ZNF146: variants seen among roughly 807,000 people sequenced by gnomAD.
ZNF146 encodes zinc finger protein OZF.
ZNF146 carries 9 observed loss-of-function variants against 22.2 expected under a neutral mutation model. The ratio of observed to expected loss-of-function variants is 0.41; its 90% CI spans 0.24 to 0.71. ZNF146 has a LOEUF of 0.71. ZNF146 is among the 30% of genes least tolerant of loss of function. The probability of loss-of-function intolerance (pLI) is 0.34; values close to 1 mark genes in which losing one functional copy is unlikely to be tolerated. For missense variants in ZNF146, 194 were observed against 344.8 expected (o/e 0.56, Z 3.46); for synonymous variants, 108 against 119.2 (o/e 0.91, Z 0.61).
intron 3 of ZNF146, among the ~76,000 whole-genome samples, chr19:36,229,555 C>T (rs1977232374): frequency 6.6e-6 from 1 of 152,104 alleles, no homozygotes; most frequent in Non-Finnish European, 1.5e-5. Context: ...CACGTATATC[C>T]TTCTTGAGGT....
rs1392574275 is a variant in ZNF146, at chr19:36,228,744, A to G, written c.-854-4A>G. 1.3e-5 allele frequency: 2 copies of G among 152,222 alleles called. No individual in the cohort carries two copies. The highest frequency in any genetic ancestry group is 6.5e-5 in the Admixed American group (1 of 15,282). The allele number at this position is 152,222 out of a possible 1,614,324, so 9.4% of individuals were successfully genotyped here. ...ATTGTAATACTGTGTCATTTTCCCA[A>G]TAGTTAATATGATCCTCTGTTGAAG... On this transcript the variant is annotated splice_polypyrimidine_tract_variant and splice_region_variant and intron_variant, in intron 2 of 3. Coordinates refer to ENST00000443387, the MANE Select transcript of ZNF146 (RefSeq NM_007145.3).
chr19:36,220,737 A>G (rs556954486), intron 2 of ZNF146, among the ~76,000 whole-genome samples: 1 of 152,332 alleles, frequency 6.6e-6, no homozygotes, highest in East Asian at 1.9e-4. Flanking sequence ...TTATCCTGCA[A>G]TATAAAGAAA....
chr19:36,236,439 A>G lies in ZNF146; in HGVS notation c.-2A>G. On this transcript the variant is annotated 5_prime_UTR_variant, in exon 4 of 4. Transcript: ENST00000443387. ...TGTGAATGTGGGAAAGCTTCCATTC[A>G]GATGTCACACCTCAGCCAGCAGAGA... is the stretch of plus-strand genomic sequence containing the variant. 1 of 1,591,766 alleles carries G rather than the reference A, an allele frequency of 6.3e-7. No homozygotes were observed. The highest frequency in any genetic ancestry group is 8.5e-7 in the Non-Finnish European group (1 of 1,169,804).
chr19:36,234,506 A>C (rs4315447), intron 3 of ZNF146, among the ~76,000 whole-genome samples: 96,537 of 152,046 alleles, frequency 0.63, 30,856 homozygotes, highest in Middle Eastern at 0.71. Context: ...TTTTAAAATT[A>C]CAGAATGTAA....
At chr19:36,225,691 G>T (rs1977034209) in intron 2 of ZNF146, among the ~76,000 whole-genome samples, 1 of 148,294 alleles carries the variant, frequency 6.7e-6, no homozygotes, top group African/African-American at 2.5e-5. Flanking sequence ...ACCCACCTCA[G>T]TGTCTCAAAG....
Position 36,236,707 on chromosome 19 carries a change from G to A in ZNF146, c.267G>A (p.Thr89=), listed in dbSNP as rs761846974. The change falls in exon 4 of 4, where the codon ACG becomes ACA. Residue 89 remains threonine (T), a synonymous_variant. Transcript: ENST00000443387. The stretch of plus-strand genomic sequence containing the variant: ...TTAGCCAGAAGGAAAACCTCCTTAC[G>A]CACCAGAAAATTCACACTGGAGAAA... ...KSFSQKENLL[T]HQKIHTGEKP... 5.6e-6 allele frequency: 9 copies of A among 1,614,148 alleles called. No individual in the cohort carries two copies. Among genetic ancestry groups the A allele is most frequent in the Non-Finnish European group, 6.8e-6 (8 of 1,180,018 alleles).
chr19:36,219,792 TA>T (rs1337263840), intron 2 of ZNF146, among the ~76,000 whole-genome samples: 1 of 152,214 alleles, frequency 6.6e-6, no homozygotes, highest in East Asian at 1.9e-4. Flanking sequence ...TTGTTTTGTG[TA>T]AAAATGTAGT....
chr19:36,228,003 A>G (rs1599976933), intron 2 of ZNF146, among the ~76,000 whole-genome samples: 2 of 152,128 alleles, frequency 1.3e-5, no homozygotes, highest in Admixed American at 1.3e-4. Context: ...TCTACTAAAA[A>G]TACAAAATTA....
chr19:36,224,463 G>A (rs1184880640), intron 2 of ZNF146, among the ~76,000 whole-genome samples: 1 of 152,164 alleles, frequency 6.6e-6, no homozygotes, highest in African/African-American at 2.4e-5. Flanking sequence ...CATTTATTTG[G>A]TCTGTTTCTG....
Position 36,236,377 on chromosome 19 carries a change from C to A in ZNF146, c.-64C>A, listed in dbSNP as rs1334765396. ...GAAATATCTTCAGCCAAAAGTAAATCCTCACTCATCAAGAAATTTTTACTG... is the reference window on the plus strand; with the variant it reads ...GAAATATCTTCAGCCAAAAGTAAATACTCACTCATCAAGAAATTTTTACTG... On this transcript the variant is annotated 5_prime_UTR_variant, in exon 4 of 4. Coordinates refer to ENST00000443387, the MANE Select transcript of ZNF146 (RefSeq NM_007145.3). 3 of 1,525,368 alleles carry A rather than the reference C, an allele frequency of 2.0e-6. No homozygotes were observed. Among genetic ancestry groups the A allele is most frequent in the Middle Eastern group, 1.8e-4 (1 of 5,674 alleles). 94.5% of individuals were successfully genotyped at this position (1,525,368 alleles called of 1,614,324 possible).
chr19:36,222,304 G>A (rs1340398146), intron 2 of ZNF146, among the ~76,000 whole-genome samples: 1 of 152,132 alleles, frequency 6.6e-6, no homozygotes, highest in African/African-American at 2.4e-5. Context: ...TTATTTGGAT[G>A]CACCATGGTT....
chr19:36,224,789 T>C (rs894504123), intron 2 of ZNF146, among the ~76,000 whole-genome samples: 1 of 152,254 alleles, frequency 6.6e-6, no homozygotes, highest in Non-Finnish European at 1.5e-5. Flanking sequence ...TTCCTCTTTA[T>C]GTACGTGATA....
chr19:36,219,351 G>C (rs1976743851), intron 2 of ZNF146, among the ~76,000 whole-genome samples: 1 of 152,006 alleles, frequency 6.6e-6, no homozygotes, highest in African/African-American at 2.4e-5. Context: ...TTTTTGTAGA[G>C]ATGGAGTCTT....
At chr19:36,230,625 C>T (rs998177851) in intron 3 of ZNF146, among the ~76,000 whole-genome samples, 1 of 152,110 alleles carries the variant, frequency 6.6e-6, no homozygotes, top group South Asian at 2.1e-4. Context: ...GTTAAAAGCC[C>T]TAAGTCAGGA....
At chr19:36,224,335 T>C (rs917335001) in intron 2 of ZNF146, among the ~76,000 whole-genome samples, 1 of 152,156 alleles carries the variant, frequency 6.6e-6, no homozygotes, top group African/African-American at 2.4e-5. Context: ...TGAGCTGAGA[T>C]TGTGCCACTG....
intron 3 of ZNF146, among the ~76,000 whole-genome samples, chr19:36,233,415 T>G (rs1977481864): frequency 6.6e-6 from 1 of 151,956 alleles, no homozygotes; most frequent in Non-Finnish European, 1.5e-5. Context: ...AGGACTGACT[T>G]GGAAAAGAAA....
Position 36,238,304 on chromosome 19 carries a change from G to C in ZNF146, c.*985G>C, listed in dbSNP as rs1339618084. On this transcript the variant is annotated 3_prime_UTR_variant, in exon 4 of 4. Transcript: ENST00000443387. ...TCAGTACTATCTATTGGTAATGGAT[G>C]CATATATGTATGTACATGTTTTTGA... The C allele has an allele frequency of 6.0e-6, 1 of 167,074 alleles. No individual in the cohort carries two copies. Among genetic ancestry groups the C allele is most frequent in the Non-Finnish European group, 1.5e-5 (1 of 68,130 alleles). The allele number at this position is 167,074 out of a possible 1,614,324, so 10.3% of individuals were successfully genotyped here.
chr19:36,232,662 G>A (rs1977437164), intron 3 of ZNF146, among the ~76,000 whole-genome samples: 1 of 147,370 alleles, frequency 6.8e-6, no homozygotes, highest in East Asian at 2.0e-4. Context: ...AGGCTGGAGT[G>A]CAGTGGTGCG....
intron 3 of ZNF146, among the ~76,000 whole-genome samples, chr19:36,234,310 G>A (rs1977544354): frequency 7.5e-6 from 1 of 133,610 alleles, no homozygotes. Context: ...GTAACAGTCT[G>A]ATCTCTCTTT....
Sources: allele counts gnomAD v4.1 joint callset (sites outside exome capture counted in the v4.1 genomes callset), GRCh38; gene constraint gnomAD v4.1.1; transcripts MANE v1.5; gene names NCBI Gene and HGNC (gene_info 2026-07-23, HGNC 2026-07-21).